The following GCNT2 variants were observed in gnomAD, a reference collection of about 807,000 sequenced individuals.
The protein encoded by GCNT2 is N-acetyllactosaminide beta-1,6-N-acetylglucosaminyl-transferase.
GCNT2 carries 34 observed loss-of-function variants against 34.2 expected under a neutral mutation model. That is an observed-to-expected ratio of 1.00 (90% CI 0.76 to 1.32). The LOEUF is 1.32. GCNT2 is among the 40% of genes most tolerant of loss of function. GCNT2 has a pLI of 0.00. For synonymous variants in GCNT2, 212 were observed against 188.0 expected (o/e 1.13, Z -1.04); for missense variants, 584 against 489.4 (o/e 1.19, Z -1.82).
intron 3 of GCNT2, among the ~76,000 whole-genome samples, chr6:10,582,438 A>G (rs1478566301): frequency 1.7e-5 from 2 of 120,186 alleles, no homozygotes; most frequent in Non-Finnish European, 3.2e-5. Context: ...ATAATTTAAT[A>G]TTTATTATAT....
intron 3 of GCNT2, among the ~76,000 whole-genome samples, chr6:10,620,044 C>G (rs1201809009): frequency 4.5e-4 from 69 of 152,190 alleles, no homozygotes; most frequent in Admixed American, 4.5e-3. Flanking sequence ...TTCAGGATAA[C>G]CTCCCTATTT....
chr6:10,585,450 C>T (rs1380941537), intron 3 of GCNT2, among the ~76,000 whole-genome samples: 1 of 152,060 alleles, frequency 6.6e-6, no homozygotes. Context: ...CCAGAGGAGC[C>T]GATATCCTTA....
intron 3 of GCNT2, among the ~76,000 whole-genome samples, chr6:10,598,156 G>GA (rs907660772): frequency 3.3e-5 from 5 of 152,164 alleles, no homozygotes; most frequent in Admixed American, 3.3e-4. Flanking sequence ...AGCATGCAGT[G>GA]AAAAAAGCAG....
At chr6:10,538,437 A>AAAAAATAT (rs1554127249) in intron 3 of GCNT2, among the ~76,000 whole-genome samples, 8 of 73,332 alleles carry the variant, frequency 1.1e-4, no homozygotes, top group Non-Finnish European at 1.5e-4. Flanking sequence ...AAAAAAAAAA[A>AAAAAATAT]ATATATATAT....
At chr6:10,578,356 C>G (rs1307813808) in intron 3 of GCNT2, among the ~76,000 whole-genome samples, 5 of 149,348 alleles carry the variant, frequency 3.3e-5, no homozygotes, top group African/African-American at 1.2e-4. Flanking sequence ...ACTCCAGCCC[C>G]TGGGCAACAG....
intron 1 of GCNT2, among the ~76,000 whole-genome samples, chr6:10,523,972 CAAAA>C (rs774638226): frequency 5.9e-5 from 4 of 68,362 alleles, no homozygotes; most frequent in African/African-American, 1.8e-4. Flanking sequence ...GACTCTGTCT[CAAAA>C]AAAAAAAAAA....
intron 3 of GCNT2, among the ~76,000 whole-genome samples, chr6:10,549,011 C>T (rs1762377689): frequency 6.6e-6 from 1 of 152,210 alleles, no homozygotes; most frequent in Non-Finnish European, 1.5e-5. Context: ...CACGCCTTGG[C>T]CTTCTAAAGT....
chr6:10,585,154 C>T (rs528594492), intron 3 of GCNT2, among the ~76,000 whole-genome samples: 1 of 151,530 alleles, frequency 6.6e-6, no homozygotes, highest in Non-Finnish European at 1.5e-5. Context: ...TGATAATCTT[C>T]TACTTAGTCA....
rs755640177 is a variant in GCNT2, at chr6:10,626,537, T to G, written c.1139T>G (p.Leu380Arg). The G allele has an allele frequency of 1.9e-6, 3 of 1,613,834 alleles. No individual in the cohort carries two copies. The highest frequency in any genetic ancestry group is 2.5e-6 in the Non-Finnish European group (3 of 1,179,718). ...LNTYPLTVEC[L>R]ELRHRERTLN... Reference sequence around the variant, plus strand: ...ACCTACCCCCTTACTGTGGAATGCCTAGAACTGAGGCATCGCGAAAGAACC... The same window carrying G: ...ACCTACCCCCTTACTGTGGAATGCCGAGAACTGAGGCATCGCGAAAGAACC... The change falls in exon 5 of 5, where the codon CTA becomes CGA. Residue 380 changes from leucine (L) to arginine (R), a missense_variant. Leu to Arg is a moderately radical substitution (Grantham distance 102, BLOSUM62 -2). Coordinates refer to ENST00000495262, the MANE Select transcript of GCNT2 (RefSeq NM_145649.5).
In GCNT2 at chr6:10,521,778, T is replaced by C. The variant is rs200641388; in HGVS notation, c.-469+361T>C. On this transcript the variant is annotated intron_variant, in intron 1 of 4. Coordinates refer to ENST00000495262, the MANE Select transcript of GCNT2 (RefSeq NM_145649.5). ...ATCCTTCTGTATCTCAGTTACAACT[T>C]TTAACTTTGTAGGAAAGAACAACGT... is the stretch of plus-strand genomic sequence containing the variant. 1.3e-4 allele frequency among the ~76,000 whole-genome samples: 20 copies of C among 152,220 alleles called. No individual in the cohort carries two copies. In the East Asian group the frequency reaches 3.7e-3, roughly 28 times the overall value.
At chr6:10,613,916 A>G (rs1052853181) in intron 3 of GCNT2, among the ~76,000 whole-genome samples, 13 of 152,046 alleles carry the variant, frequency 8.6e-5, no homozygotes, top group African/African-American at 3.1e-4. Flanking sequence ...GCCAGTGTCT[A>G]CTCCATCAGG....
intron 1 of GCNT2, among the ~76,000 whole-genome samples, chr6:10,523,467 G>C (rs1224228778): frequency 1.3e-5 from 2 of 150,700 alleles, no homozygotes; most frequent in Non-Finnish European, 3.0e-5. Context: ...TTCTCTTATA[G>C]TTTCCTATTA....
chr6:10,605,736 C>T (rs1181666565), intron 3 of GCNT2, among the ~76,000 whole-genome samples: 1 of 152,084 alleles, frequency 6.6e-6, no homozygotes, highest in Non-Finnish European at 1.5e-5. Context: ...TCATTTATTC[C>T]CTACCATTTG....
rs202063559 is a variant in GCNT2 at position 10,539,282 on chromosome 6, T to C, written c.925+9446T>C. Reference sequence around the variant, plus strand: ...TCGGCCCACTGCAACCTCTGCCTCCTGGGTTCAAGCGATTCCCCTGCCTCA... The same window carrying C: ...TCGGCCCACTGCAACCTCTGCCTCCCGGGTTCAAGCGATTCCCCTGCCTCA... On this transcript the variant is annotated intron_variant, in intron 3 of 4. Transcript: ENST00000495262. Among the ~76,000 whole-genome samples, 94 of 144,690 alleles carry C rather than the reference T, an allele frequency of 6.5e-4. 1 individual carries two copies. The East Asian group carries it at 0.013, about 21-fold the overall frequency. The allele number at this position is 144,690 out of a possible 152,430, so 94.9% of individuals were successfully genotyped here.
At chr6:10,558,688 T>G (rs942137759) in intron 3 of GCNT2, among the ~76,000 whole-genome samples, 1 of 152,226 alleles carries the variant, frequency 6.6e-6, no homozygotes, top group African/African-American at 2.4e-5. Context: ...TTCGAAAGGC[T>G]GGTAGGTGCT....
At chr6:10,552,298 G>A (rs533631678) in intron 3 of GCNT2, among the ~76,000 whole-genome samples, 169 of 139,638 alleles carry the variant, frequency 1.2e-3, no homozygotes, top group Non-Finnish European at 2.1e-3. Flanking sequence ...TCATTATCAT[G>A]TTAAAAAAAA....
chr6:10,529,689 A>C lies in GCNT2; in HGVS notation c.778A>C (p.Ile260Leu). ...AACTCCTCCTCCTCATGACATGGTG[A>C]TTTACTTTGGCACGGCCTACGTGGC... ...LKTPPPHDMV[I>L]YFGTAYVALT... The change falls in exon 3 of 5, where the codon ATT becomes CTT. Residue 260 changes from isoleucine to leucine, a missense_variant. Transcript: ENST00000495262. The C allele has an allele frequency of 1.2e-6, 2 of 1,613,990 alleles. No homozygotes were observed. Among genetic ancestry groups the C allele is most frequent in the Non-Finnish European group, 1.7e-6 (2 of 1,179,992 alleles).
chr6:10,621,356 C>G lies in GCNT2; in HGVS notation c.931C>G (p.Pro311Ala), dbSNP rs758023425. The change falls in exon 4 of 5, where the codon CCT becomes GCT. Residue 311 changes from proline to alanine, a missense_variant. Pro to Ala is a conservative substitution (Grantham distance 27). Transcript: ENST00000495262. ...WVTLNRIPGV[P>A]GSMPNASWTG... is the part of the protein sequence containing the mutation. ...CTTCTTTATCAACATTGCAGGTGTT[C>G]CTGGCTCTATGCCAAATGCATCCTG... The G allele has an allele frequency of 1.9e-6, 3 of 1,606,450 alleles. No individual in the cohort carries two copies. The South Asian group carries it at 3.3e-5, about 18-fold the overall frequency.
chr6:10,523,792 G>A (rs545788986), intron 1 of GCNT2, among the ~76,000 whole-genome samples: 1 of 152,084 alleles, frequency 6.6e-6, no homozygotes, highest in South Asian at 2.1e-4. Context: ...CTAACACGGT[G>A]AAACCCCGTC....
Sources: gnomAD v4.1 joint callset for allele counts (sites outside exome capture counted in the v4.1 genomes callset) on GRCh38, gnomAD v4.1.1 for gene constraint, MANE v1.5 for transcripts, NCBI Gene and HGNC (gene_info 2026-07-23, HGNC 2026-07-21) for gene names.